The following PPARGC1B variants were observed in gnomAD, a reference collection of about 807,000 sequenced individuals.
PPARGC1B encodes peroxisome proliferator-activated receptor gamma coactivator 1-beta.
Under a neutral mutation model 101.6 loss-of-function variants are expected in PPARGC1B, and 34 were observed. The ratio of observed to expected loss-of-function variants is 0.33; its 90% CI spans 0.25 to 0.45. PPARGC1B has a LOEUF of 0.45. PPARGC1B is among the 20% of genes least tolerant of loss of function. PPARGC1B has a pLI of 1.00. For missense variants in PPARGC1B, 1,234 were observed against 1,317.6 expected, an observed-to-expected ratio of 0.94 and a Z score of 0.98; for synonymous variants, 548 against 539.3, an observed-to-expected ratio of 1.02 and a Z score of -0.22.
rs1436022884 is a variant in PPARGC1B, at chr5:149,846,272, G to A, written c.2971+358G>A. ...GTCCCCTTCAGGGGCATTCCGTGGT[G>A]ACCCCAGACAAGGCAGCAGCCACCT... On this transcript the variant is annotated intron_variant, in intron 11 of 11. Transcript: ENST00000309241. 13 of 466,786 alleles carry A rather than the reference G, an allele frequency of 2.8e-5. 1 individual carries two copies. Among genetic ancestry groups the A allele is most frequent in the Admixed American group, 2.3e-4 (6 of 26,474 alleles). The allele number at this position is 466,786 out of a possible 1,614,324, so 28.9% of individuals were successfully genotyped here. A position where few individuals can be genotyped will look rare whatever the true frequency, so the allele number is the denominator to read the frequency against.
rs147821319 is a variant in PPARGC1B at position 149,837,475 on chromosome 5, A to G, written c.2618+402A>G. 0.01 allele frequency among the ~76,000 whole-genome samples: 1,581 copies of G among 152,354 alleles called. 27 individuals carry two copies. The highest frequency in any genetic ancestry group is 0.036 in the African/African-American group (1,485 of 41,576). ...AACAGTTTGAATTCTAGGGATGTTTATAAGTAAAAGAAAGATTAGTGTAAT... is the reference window on the plus strand; with the variant it reads ...AACAGTTTGAATTCTAGGGATGTTTGTAAGTAAAAGAAAGATTAGTGTAAT... On this transcript the variant is annotated intron_variant, in intron 8 of 11. Coordinates refer to ENST00000309241, the MANE Select transcript of PPARGC1B (RefSeq NM_133263.4). This position sits in a 1 kb window ranked among gnomAD's most constrained non-coding sequence, Gnocchi z 4.2.
At chr5:149,749,469 G>A (rs1206911936) in intron 1 of PPARGC1B, among the ~76,000 whole-genome samples, 1 of 152,182 alleles carries the variant, frequency 6.6e-6, no homozygotes, top group Non-Finnish European at 1.5e-5. Flanking sequence ...CTCCGCTACT[G>A]CTGTCTGAGT....
intron 1 of PPARGC1B, among the ~76,000 whole-genome samples, chr5:149,805,285 A>G (rs1183808263): frequency 6.6e-6 from 1 of 152,230 alleles, no homozygotes; most frequent in Non-Finnish European, 1.5e-5. Flanking sequence ...GGTTTGGGTC[A>G]AATTAACTAT....
chr5:149,833,030 C>T lies in PPARGC1B; in HGVS notation c.957C>T (p.Pro319=), dbSNP rs1758866905. 3.7e-6 allele frequency: 6 copies of T among 1,613,686 alleles called. No individual in the cohort carries two copies. The highest frequency in any genetic ancestry group is 2.7e-5 in the African/African-American group (2 of 74,946). Residue 319 remains proline (P), a synonymous_variant, in exon 5 of 12, where the codon CCC becomes CCT. Coordinates refer to ENST00000309241, the MANE Select transcript of PPARGC1B (RefSeq NM_133263.4). The surrounding 1 kb of genome is among the most constrained non-coding windows in gnomAD (Gnocchi z 4.1). Reference sequence around the variant, plus strand: ...CACTCCCCAAGGCCTGCAGCAACCCCTCCCAGCAGGTCAGATCCCGGCCCT... The same window carrying T: ...CACTCCCCAAGGCCTGCAGCAACCCTTCCCAGCAGGTCAGATCCCGGCCCT... ...PEPLPKACSN[P]SQQVRSRPWS...
intron 1 of PPARGC1B, among the ~76,000 whole-genome samples, chr5:149,785,869 G>A (rs1424000182): frequency 6.6e-6 from 1 of 152,014 alleles, no homozygotes; most frequent in African/African-American, 2.4e-5. Context: ...GACAAGGCTT[G>A]GCTCAGAGTG....
At position 149,757,190 on chromosome 5, in the gene PPARGC1B, A is replaced by G. The variant is rs1755561286; in HGVS notation, c.78+26770A>G. Among the ~76,000 whole-genome samples, 3 of 152,250 alleles carry G rather than the reference A, an allele frequency of 2.0e-5. No homozygotes were observed. In the South Asian group the frequency reaches 6.2e-4, roughly 32 times the overall value. ...TCATGCTGAAGCTGGAGAATCAGAA[A>G]GGAAGCAACCTTCTGGGGAAAAGTA... is the stretch of plus-strand genomic sequence containing the variant. On this transcript the variant is annotated intron_variant, in intron 1 of 11. Coordinates refer to ENST00000309241, the MANE Select transcript of PPARGC1B (RefSeq NM_133263.4).
At chr5:149,737,656 T>C (rs1754771886) in intron 1 of PPARGC1B, among the ~76,000 whole-genome samples, 1 of 152,222 alleles carries the variant, frequency 6.6e-6, no homozygotes, top group African/African-American at 2.4e-5. Flanking sequence ...ACATAACCTT[T>C]CTGAGCTTCT....
intron 1 of PPARGC1B, among the ~76,000 whole-genome samples, chr5:149,743,144 A>G (rs1581001899): frequency 6.8e-6 from 1 of 146,840 alleles, no homozygotes; most frequent in Non-Finnish European, 1.5e-5. Context: ...ACCTTTGTTT[A>G]TGTGTTTATT....
chr5:149,787,411 C>T (rs1756852078), intron 1 of PPARGC1B, among the ~76,000 whole-genome samples: 1 of 152,188 alleles, frequency 6.6e-6, no homozygotes, highest in Non-Finnish European at 1.5e-5. Flanking sequence ...ACCCCTTGTG[C>T]CCACTGAACC....
chr5:149,732,295 T>C (rs1754531247), intron 1 of PPARGC1B, among the ~76,000 whole-genome samples: 1 of 152,068 alleles, frequency 6.6e-6, no homozygotes, highest in South Asian at 2.1e-4. Flanking sequence ...TGTCCCCAGA[T>C]CTCGAAATTG....
At position 149,846,005 on chromosome 5, in the gene PPARGC1B, T is replaced by C. The variant is rs576040175; in HGVS notation, c.2971+91T>C. 22 of 1,507,688 alleles carry C rather than the reference T, an allele frequency of 1.5e-5. 1 individual carries two copies. In the South Asian group the frequency reaches 2.4e-4, roughly 16 times the overall value. 93.4% of individuals were successfully genotyped at this position (1,507,688 alleles called of 1,614,324 possible). A position where few individuals can be genotyped will look rare whatever the true frequency, so the allele number is the denominator to read the frequency against. On this transcript the variant is annotated intron_variant, in intron 11 of 11. Transcript: ENST00000309241. ...AACAAAACCCAGAGCTAAAGCGCCT[T>C]GTGGACATAGCTTCCATCCCCACAC...
chr5:149,798,142 G>C (rs1433183965), intron 1 of PPARGC1B, among the ~76,000 whole-genome samples: 1 of 152,130 alleles, frequency 6.6e-6, no homozygotes, highest in Non-Finnish European at 1.5e-5. Flanking sequence ...GCTGGTTAAG[G>C]GACCAAGCCC....
At chr5:149,842,441 T>C (rs984064038) in intron 10 of PPARGC1B, 64 bp downstream of exon 10, 5 of 1,582,228 alleles carry the variant, frequency 3.2e-6, no homozygotes, top group Non-Finnish European at 4.3e-6. Context: ...TGATCCAGAA[T>C]TGGGTACCAG....
At position 149,848,575 on chromosome 5, in the gene PPARGC1B, T is replaced by A. The variant is rs951478528; in HGVS notation, c.*1017T>A. 4 of 152,162 alleles carry A rather than the reference T, an allele frequency of 2.6e-5. No homozygotes were observed. The highest frequency in any genetic ancestry group is 2.0e-4 in the Admixed American group (3 of 15,268). 9.4% of individuals were successfully genotyped at this position (152,162 alleles called of 1,614,324 possible). A position where few individuals can be genotyped will look rare whatever the true frequency, so the allele number is the denominator to read the frequency against. ...GAAGCCTAAGGGCTCATTTTAGGGG[T>A]TACATTAGGTGTTGATTCACCAGCA... On this transcript the variant is annotated 3_prime_UTR_variant, in exon 12 of 12. Transcript: ENST00000309241.
intron 1 of PPARGC1B, among the ~76,000 whole-genome samples, chr5:149,774,479 TC>T (rs1322804678): frequency 6.6e-6 from 1 of 152,052 alleles, no homozygotes; most frequent in Admixed American, 6.6e-5. Flanking sequence ...GCGCTGGTAA[TC>T]CTTCTGGCTT....
chr5:149,826,134 T>C (rs1758508680), intron 2 of PPARGC1B, among the ~76,000 whole-genome samples: 1 of 152,170 alleles, frequency 6.6e-6, no homozygotes, highest in Non-Finnish European at 1.5e-5. Context: ...CCATAGTTGC[T>C]ACCTCCTCAG....
At chr5:149,751,791 C>T (rs1227776976) in intron 1 of PPARGC1B, among the ~76,000 whole-genome samples, 1 of 151,984 alleles carries the variant, frequency 6.6e-6, no homozygotes, top group Non-Finnish European at 1.5e-5. Flanking sequence ...ATAAAGGTAA[C>T]ATTGTAGGTT....
At chr5:149,830,734 C>A in intron 3 of PPARGC1B, 33 bp from the exon 4 acceptor site, 1 of 1,538,144 alleles carries the variant, frequency 6.5e-7, no homozygotes, top group Non-Finnish European at 9.0e-7. Context: ...TGTGGCTCAG[C>A]CCCGGCTCCT....
intron 2 of PPARGC1B, among the ~76,000 whole-genome samples, chr5:149,825,764 A>T (rs1267300899): frequency 2.0e-5 from 3 of 152,176 alleles, no homozygotes; most frequent in Non-Finnish European, 4.4e-5. Flanking sequence ...GGCACAGAGT[A>T]GCCACCGGGA....
Sources: gnomAD v4.1 joint callset for allele counts (sites outside exome capture counted in the v4.1 genomes callset) on GRCh38, gnomAD v4.1.1 for gene constraint, Gnocchi (gnomAD v3.1) non-coding constraint, MANE v1.5 for transcripts, NCBI Gene and HGNC (gene_info 2026-07-23, HGNC 2026-07-21) for gene names.